The following GPC5 variants were observed in gnomAD, a reference collection of about 807,000 sequenced individuals.
GPC5 encodes the protein glypican 5.
GPC5 carries 47 observed loss-of-function variants against 53.9 expected under a neutral mutation model. The ratio of observed to expected loss-of-function variants is 0.87; its 90% CI spans 0.69 to 1.11. The LOEUF (loss-of-function observed/expected upper bound fraction) is 1.11, where lower values mean the gene tolerates loss of function less well. Ranked by LOEUF, GPC5 falls within the 50% of genes most tolerant of loss-of-function variation. The pLI is 0.00. For missense variants in GPC5, 748 were observed against 713.1 expected, an observed-to-expected ratio of 1.05 and a Z score of -0.56; for synonymous variants, 286 against 263.3, an observed-to-expected ratio of 1.09 and a Z score of -0.84.
At chr13:92,007,331 A>G (rs2040616297) in intron 6 of GPC5, among the ~76,000 whole-genome samples, 1 of 152,124 alleles carries the variant, frequency 6.6e-6, no homozygotes, top group Admixed American at 6.5e-5. Flanking sequence ...GAAATCTCCT[A>G]TTGGAGTTGT....
intron 5 of GPC5, 23 bp from the exon 6 acceptor site, chr13:91,907,914 A>G (rs749419445): frequency 1.3e-6 from 2 of 1,592,684 alleles, no homozygotes; most frequent in Non-Finnish European, 1.7e-6. Context: ...ACTAAGTCAT[A>G]TCTTTCACAT....
intron 7 of GPC5, among the ~76,000 whole-genome samples, chr13:92,660,923 G>A (rs1227380941): frequency 2.0e-5 from 3 of 151,902 alleles, no homozygotes; most frequent in African/African-American, 7.2e-5. Context: ...TTATTTTAAA[G>A]TTAACATTTC....
At chr13:92,383,568 C>A (rs2043768016) in intron 7 of GPC5, among the ~76,000 whole-genome samples, 1 of 152,130 alleles carries the variant, frequency 6.6e-6, no homozygotes, top group Non-Finnish European at 1.5e-5. Context: ...TTCTTGCATT[C>A]TTTGATAATA....
chr13:91,478,881 T>TTTTATATATATATATATATA (rs562726720), intron 2 of GPC5, among the ~76,000 whole-genome samples: 1 of 67,500 alleles, frequency 1.5e-5, no homozygotes, highest in Non-Finnish European at 2.5e-5. Flanking sequence ...TATATACACA[T>TTTTATATATATATATATATA]TATATATATA....
At chr13:91,687,389 G>T (rs2035646002) in intron 2 of GPC5, among the ~76,000 whole-genome samples, 1 of 151,938 alleles carries the variant, frequency 6.6e-6, no homozygotes, top group Non-Finnish European at 1.5e-5. Flanking sequence ...AGGAATGTGG[G>T]CTGGAAGCAG....
intron 5 of GPC5, among the ~76,000 whole-genome samples, chr13:91,902,681 G>C (rs1297472395): frequency 6.6e-6 from 1 of 151,984 alleles, no homozygotes; most frequent in Non-Finnish European, 1.5e-5. Context: ...GAAAAAGAAG[G>C]AATTAATGAT....
At chr13:92,806,623 T>C (rs1877110228) in intron 7 of GPC5, among the ~76,000 whole-genome samples, 1 of 152,060 alleles carries the variant, frequency 6.6e-6, no homozygotes, top group African/African-American at 2.4e-5. Context: ...TTTAGGGTTA[T>C]TAATTAGCCT....
rs1310831040 is a variant in GPC5, at chr13:92,386,072, CA to C, written c.1561+241086del. The stretch of plus-strand genomic sequence containing the variant: ...TAAACTGAGCCTATTTAAAGCTTTG[CA>C]AACCTAGCAAGACATAGTTTCTTTT... On this transcript the variant is annotated intron_variant, in intron 7 of 7. Coordinates refer to ENST00000377067, the MANE Select transcript of GPC5 (RefSeq NM_004466.6). 7.2e-4 allele frequency among the ~76,000 whole-genome samples: 110 copies of C among 151,890 alleles called. 3 individuals are homozygous for C. The highest frequency in any genetic ancestry group is 7.0e-3 in the Admixed American group (106 of 15,218).
intron 4 of GPC5, 73 bp from the exon 5 acceptor site, chr13:91,756,222 C>T (rs2037288558): frequency 9.3e-7 from 1 of 1,079,810 alleles, no homozygotes; most frequent in Non-Finnish European, 1.3e-6. Flanking sequence ...TTATGTATAA[C>T]AATACATATC....
chr13:91,556,572 C>T (rs113828578), intron 2 of GPC5, among the ~76,000 whole-genome samples: 19,626 of 145,742 alleles, frequency 0.13, 1,769 homozygotes, highest in African/African-American at 0.25. Context: ...TATATATATA[C>T]ACACACACAG....
At chr13:91,767,687 C>T (rs959909256) in intron 5 of GPC5, among the ~76,000 whole-genome samples, 3 of 152,162 alleles carry the variant, frequency 2.0e-5, no homozygotes, top group African/African-American at 7.2e-5. Flanking sequence ...AGTTTCTTGC[C>T]ATGCTGACAC....
intron 7 of GPC5, among the ~76,000 whole-genome samples, chr13:92,827,469 G>A (rs1175931619): frequency 1.3e-5 from 2 of 152,086 alleles, no homozygotes; most frequent in Admixed American, 6.6e-5. Context: ...GAGAGATGTT[G>A]GAAAAGAAGG....
intron 2 of GPC5, among the ~76,000 whole-genome samples, chr13:91,645,753 T>G (rs2139518528): frequency 6.6e-6 from 1 of 152,338 alleles, no homozygotes; most frequent in Non-Finnish European, 1.5e-5. Context: ...TATGCTGATG[T>G]TTCTCAAACT....
intron 7 of GPC5, among the ~76,000 whole-genome samples, chr13:92,577,513 A>G (rs1206854182): frequency 6.6e-6 from 1 of 151,356 alleles, no homozygotes; most frequent in African/African-American, 2.4e-5. Flanking sequence ...TACCTTTCTC[A>G]AGGTCATAGA....
intron 2 of GPC5, among the ~76,000 whole-genome samples, chr13:91,619,577 A>G (rs544307569): frequency 6.6e-6 from 1 of 152,228 alleles, no homozygotes; most frequent in Non-Finnish European, 1.5e-5. Flanking sequence ...TTTTCAACAA[A>G]TGATTCAGAC....
chr13:91,631,322 A>T (rs865776153), intron 2 of GPC5, among the ~76,000 whole-genome samples: 1 of 152,152 alleles, frequency 6.6e-6, no homozygotes, highest in South Asian at 2.1e-4. Context: ...ATGCTTTAGG[A>T]AGTCTTTCAC....
chr13:92,066,270 A>T (rs184238822), intron 6 of GPC5, among the ~76,000 whole-genome samples: 7 of 152,164 alleles, frequency 4.6e-5, no homozygotes, highest in African/African-American at 1.4e-4. Flanking sequence ...CTATAAAGTG[A>T]TTTATACAGA....
chr13:92,813,312 CT>C (rs1016130112), intron 7 of GPC5, among the ~76,000 whole-genome samples: 6 of 151,608 alleles, frequency 4.0e-5, no homozygotes, highest in African/African-American at 1.5e-4. Flanking sequence ...ATTTTGTAAT[CT>C]TTTTTTTAGT....
intron 7 of GPC5, among the ~76,000 whole-genome samples, chr13:92,314,965 C>A (rs148888424): frequency 6.6e-6 from 1 of 151,916 alleles, no homozygotes; most frequent in African/African-American, 2.4e-5. Context: ...TTGGTACAGA[C>A]GGGGTGTTGC....
Sources: allele counts gnomAD v4.1 joint callset (sites outside exome capture counted in the v4.1 genomes callset), GRCh38; gene constraint gnomAD v4.1.1; transcripts MANE v1.5; gene names NCBI Gene and HGNC (gene_info 2026-07-23, HGNC 2026-07-21).